Variants in IRF2 observed in about 807,000 individuals in gnomAD.
IRF2 encodes the protein interferon regulatory factor 2.
IRF2 carries 15 observed loss-of-function variants against 40.6 expected under a neutral mutation model. The observed-to-expected ratio is 0.37, with a 90% CI of 0.25 to 0.57. The LOEUF (loss-of-function observed/expected upper bound fraction) is 0.57. Ranked by LOEUF, IRF2 falls within the 20% of genes least tolerant of loss-of-function variation. The pLI, the probability that IRF2 is intolerant of heterozygous loss-of-function variation, is 0.77. For missense variants in IRF2, 317 were observed against 455.7 expected (o/e 0.70, Z 2.77); for synonymous variants, 151 against 165.5 (o/e 0.91, Z 0.67).
chr4:184,416,597 G>C (rs976573838), intron 5 of IRF2, among the ~76,000 whole-genome samples: 1 of 152,072 alleles, frequency 6.6e-6, no homozygotes, highest in African/African-American at 2.4e-5. Flanking sequence ...AGAAATTACT[G>C]TGAACTTTTT....
rs200237240 is a variant in IRF2, at chr4:184,388,834, C to A, written c.974G>T (p.Arg325Leu). 6.2e-7 allele frequency: 1 copy of A among 1,613,822 alleles called. No individual in the cohort carries two copies. Among genetic ancestry groups the A allele is most frequent in the African/African-American group, 1.3e-5 (1 of 74,840 alleles). The stretch of plus-strand genomic sequence containing the variant: ...GCTGGCCCGGGTCTCCCGGTCTGGC[C>A]GACTGCTGCTGGATGCTGGGGTCAT... ...SSMTPASSSS[R>L]PDRETRASVI... The change falls in exon 9 of 9, where the codon CGG becomes CTG. Residue 325 changes from arginine (R) to leucine (L), a missense_variant. Transcript: ENST00000393593. This position sits in a 1 kb window ranked among gnomAD's most constrained non-coding sequence, Gnocchi z 4.6.
chr4:184,445,241 C>T (rs1034221185), intron 1 of IRF2, among the ~76,000 whole-genome samples: 2 of 152,188 alleles, frequency 1.3e-5, no homozygotes, highest in African/African-American at 2.4e-5. Context: ...AGAAGGTGAA[C>T]GTGTTTCCTG....
At chr4:184,429,194 T>TG (rs988163511) in intron 1 of IRF2, 124 bp from the exon 2 acceptor site, 8 of 410,154 alleles carry the variant, frequency 2.0e-5, no homozygotes, top group Admixed American at 8.2e-5. Context: ...ACCAGGGGGC[T>TG]GGGGGGTCGG....
At chr4:184,441,516 C>G (rs762020422) in intron 1 of IRF2, among the ~76,000 whole-genome samples, 8 of 152,172 alleles carry the variant, frequency 5.3e-5, no homozygotes, top group Non-Finnish European at 1.5e-5. Context: ...TTTAAAAAGC[C>G]TGATGCACAC....
intron 7 of IRF2, among the ~76,000 whole-genome samples, chr4:184,395,695 G>A (rs532848799): frequency 6.6e-6 from 1 of 152,292 alleles, no homozygotes; most frequent in East Asian, 1.9e-4. Context: ...CCTCCAACCA[G>A]TAAGCCTCCC....
At chr4:184,427,997 T>C (rs901448277) in intron 2 of IRF2, among the ~76,000 whole-genome samples, 28 of 152,204 alleles carry the variant, frequency 1.8e-4, no homozygotes, top group African/African-American at 6.8e-4. Context: ...GCATGATATA[T>C]ATTTAGTTGC....
At chr4:184,469,520 A>T (rs1368359401) in intron 1 of IRF2, among the ~76,000 whole-genome samples, 1 of 152,138 alleles carries the variant, frequency 6.6e-6, no homozygotes, top group Non-Finnish European at 1.5e-5. Flanking sequence ...CTACACAAAA[A>T]TGTATGTCGG....
chr4:184,467,433 A>G (rs188873951), intron 1 of IRF2, among the ~76,000 whole-genome samples: 2 of 152,270 alleles, frequency 1.3e-5, no homozygotes, highest in East Asian at 3.9e-4. Context: ...CACCCATCAT[A>G]TCTAGGTGTT....
chr4:184,417,951 A>T (rs1258011089), intron 5 of IRF2, among the ~76,000 whole-genome samples: 1 of 152,212 alleles, frequency 6.6e-6, no homozygotes, highest in Non-Finnish European at 1.5e-5. Context: ...GACTTCATTC[A>T]TAAATTTCCC....
chr4:184,413,343 C>T lies in IRF2; in HGVS notation c.411+4824G>A, dbSNP rs1174801660. On this transcript the variant is annotated intron_variant, in intron 5 of 8. Transcript: ENST00000393593. This position sits in a 1 kb window ranked among gnomAD's most constrained non-coding sequence, Gnocchi z 4.2. ...GGTTCGGAGCTCCCGTTCTGAGCTA[C>T]CACATGGGAAGGGAGGATCCCGGGC... Among the ~76,000 whole-genome samples, 3 of 152,240 alleles carry T rather than the reference C, an allele frequency of 2.0e-5. No homozygotes were observed. Among genetic ancestry groups the T allele is most frequent in the Non-Finnish European group, 2.9e-5 (2 of 68,046 alleles).
At chr4:184,473,149 C>T (rs2149922405) in intron 1 of IRF2, among the ~76,000 whole-genome samples, 3 of 152,072 alleles carry the variant, frequency 2.0e-5, no homozygotes, top group African/African-American at 7.2e-5. Flanking sequence ...AAGTGGCGGC[C>T]GCCGCGGCTT....
intron 1 of IRF2, among the ~76,000 whole-genome samples, chr4:184,473,241 T>C (rs1251438128): frequency 6.7e-6 from 1 of 149,154 alleles, no homozygotes; most frequent in Admixed American, 6.6e-5. Context: ...GGCACTCGCG[T>C]CCCCACCCCG....
intron 6 of IRF2, among the ~76,000 whole-genome samples, chr4:184,400,981 T>G (rs1336525996): frequency 6.6e-6 from 1 of 152,244 alleles, no homozygotes; most frequent in Non-Finnish European, 1.5e-5. Context: ...ATTTTAACAT[T>G]TTAACCCATA....
At chr4:184,452,497 G>A (rs541830601) in intron 1 of IRF2, among the ~76,000 whole-genome samples, 4 of 152,256 alleles carry the variant, frequency 2.6e-5, no homozygotes, top group South Asian at 2.1e-4. Flanking sequence ...AACATGGACC[G>A]TGGAGCTCTG....
intron 1 of IRF2, among the ~76,000 whole-genome samples, chr4:184,454,750 C>A (rs1167727268): frequency 6.6e-6 from 1 of 152,208 alleles, no homozygotes; most frequent in Non-Finnish European, 1.5e-5. Context: ...TGGAACCTCA[C>A]CACTCACAAC....
chr4:184,407,308 G>C, intron 6 of IRF2: 1 of 1,226,396 alleles, frequency 8.2e-7, no homozygotes, highest in Non-Finnish European at 1.1e-6. Context: ...AAATAAAAAG[G>C]AGTTTTTTCT....
intron 3 of IRF2, 44 bp downstream of exon 3, chr4:184,419,425 G>T: frequency 1.6e-6 from 2 of 1,286,680 alleles, no homozygotes; most frequent in Non-Finnish European, 1.1e-6. Flanking sequence ...ACAAAACTAA[G>T]CAAGAGTGCC....
At chr4:184,427,145 A>G (rs78267886) in intron 2 of IRF2, among the ~76,000 whole-genome samples, 16,284 of 152,120 alleles carry the variant, frequency 0.11, 1,192 homozygotes, top group Admixed American at 0.25. Context: ...CCAAGGAGCA[A>G]CTCCATTTCT....
At chr4:184,427,817 G>A (rs1737725150) in intron 2 of IRF2, among the ~76,000 whole-genome samples, 2 of 152,232 alleles carry the variant, frequency 1.3e-5, no homozygotes, top group Admixed American at 6.5e-5. Context: ...CTGCAATCTG[G>A]CTCTAAGCTC....
Sources: gnomAD v4.1 joint callset for allele counts (sites outside exome capture counted in the v4.1 genomes callset) on GRCh38, gnomAD v4.1.1 for gene constraint, Gnocchi (gnomAD v3.1) non-coding constraint, MANE v1.5 for transcripts, NCBI Gene and HGNC (gene_info 2026-07-23, HGNC 2026-07-21) for gene names.